Variants in BCKDHB observed in about 807,000 individuals in gnomAD.
The protein encoded by BCKDHB is 2-oxoisovalerate dehydrogenase subunit beta, mitochondrial.
Under a neutral mutation model 48.5 loss-of-function variants are expected in BCKDHB, and 41 were observed. The ratio of observed to expected loss-of-function variants is 0.85; its 90% CI spans 0.66 to 1.10. The LOEUF is 1.10. Among genes scored for constraint, BCKDHB ranks in the 50% least tolerant of loss-of-function variants. The pLI, the probability that BCKDHB is intolerant of heterozygous loss-of-function variation, is 0.00. For missense variants in BCKDHB, 496 were observed against 494.2 expected (o/e 1.00, Z -0.03); for synonymous variants, 201 against 174.8 (o/e 1.15, Z -1.18).
At chr6:80,236,450 GT>G (rs1776150059) in intron 8 of BCKDHB, among the ~76,000 whole-genome samples, 1 of 152,150 alleles carries the variant, frequency 6.6e-6, no homozygotes, top group Non-Finnish European at 1.5e-5. Context: ...TGAACCTATA[GT>G]TTAGCTGGAA....
chr6:80,396,965 G>A, the BCKDHB span, among the ~76,000 whole-genome samples: 1 of 152,278 alleles, frequency 6.6e-6, no homozygotes, highest in South Asian at 2.1e-4. Flanking sequence ...TAGAGGAAAA[G>A]GGGGCCCAAG....
chr6:80,397,527 A>T, the BCKDHB span, among the ~76,000 whole-genome samples: 2 of 152,172 alleles, frequency 1.3e-5, no homozygotes, highest in East Asian at 3.9e-4. Flanking sequence ...TTCTGTCACA[A>T]TTTTTCATAA....
chr6:80,419,258 G>A, the BCKDHB span, among the ~76,000 whole-genome samples: 1 of 152,168 alleles, frequency 6.6e-6, no homozygotes, highest in Non-Finnish European at 1.5e-5. Flanking sequence ...AGAATGTGTG[G>A]GCTGTTGCGT....
rs1047519124 is a variant in BCKDHB at position 80,190,533 on chromosome 6, G to T, written c.743-10401G>T. On this transcript the variant is annotated intron_variant, in intron 6 of 9. Coordinates refer to ENST00000320393, the MANE Select transcript of BCKDHB (RefSeq NM_183050.4). ...CTGTAGCATTGGGATAAATCTAGTA[G>T]CAGTCACATTGAGTTGTAAGGATAA... Among the ~76,000 whole-genome samples, 4 of 152,138 alleles carry T rather than the reference G, an allele frequency of 2.6e-5. No individual in the cohort carries two copies. The East Asian group carries it at 7.7e-4, about 29-fold the overall frequency.
chr6:80,315,405 C>G (rs1470838408), intron 9 of BCKDHB, among the ~76,000 whole-genome samples: 1 of 152,066 alleles, frequency 6.6e-6, no homozygotes, highest in Admixed American at 6.5e-5. Context: ...CATGTCACTC[C>G]CAGTTGGGCC....
At chr6:80,192,607 A>G (rs553837974) in intron 6 of BCKDHB, among the ~76,000 whole-genome samples, 1 of 152,282 alleles carries the variant, frequency 6.6e-6, no homozygotes, top group African/African-American at 2.4e-5. Context: ...GGTAATTGCA[A>G]AGATTGAACA....
intron 9 of BCKDHB, among the ~76,000 whole-genome samples, chr6:80,335,093 T>C (rs1272660116): frequency 6.6e-6 from 1 of 151,896 alleles, no homozygotes; most frequent in East Asian, 1.9e-4. Flanking sequence ...AATGTAGCTC[T>C]AATCTTTCAA....
At chr6:80,251,333 A>C (rs1776828203) in intron 8 of BCKDHB, among the ~76,000 whole-genome samples, 1 of 152,182 alleles carries the variant, frequency 6.6e-6, no homozygotes, top group Non-Finnish European at 1.5e-5. Context: ...AAATGGAGCA[A>C]ATTACTTAAT....
At chr6:80,408,636 A>G in the BCKDHB span, among the ~76,000 whole-genome samples, 1 of 151,728 alleles carries the variant, frequency 6.6e-6, no homozygotes. Context: ...TTTCTAGGTT[A>G]TTTGCATAGA....
At chr6:80,169,718 C>A (rs911666106) in intron 5 of BCKDHB, 1 of 1,192,992 alleles carries the variant, frequency 8.4e-7, no homozygotes, top group Non-Finnish European at 1.2e-6. Context: ...ATGTGTGAAT[C>A]CAGAGATGTA....
At chr6:80,215,736 T>TTA (rs1489394391) in intron 8 of BCKDHB, among the ~76,000 whole-genome samples, 3 of 152,084 alleles carry the variant, frequency 2.0e-5, no homozygotes, top group Admixed American at 6.5e-5. Flanking sequence ...TGACCTAATG[T>TTA]TATATATATA....
At chr6:80,149,431 A>G (rs1477421644) in intron 3 of BCKDHB, among the ~76,000 whole-genome samples, 1 of 152,206 alleles carries the variant, frequency 6.6e-6, no homozygotes, top group Non-Finnish European at 1.5e-5. Context: ...GGGACCTAGA[A>G]CTAGAAATAC....
chr6:80,430,136 T>C, the BCKDHB span, among the ~76,000 whole-genome samples: 1 of 152,318 alleles, frequency 6.6e-6, no homozygotes, highest in South Asian at 2.1e-4. Flanking sequence ...GTGGTTTTTG[T>C]CATTTGTTTT....
intron 3 of BCKDHB, among the ~76,000 whole-genome samples, chr6:80,149,083 C>G (rs1207524273): frequency 6.6e-6 from 1 of 152,108 alleles, no homozygotes; most frequent in Non-Finnish European, 1.5e-5. Context: ...TGACAAAGGG[C>G]TAATATCCAG....
chr6:80,108,335 A>T (rs1213040167), intron 1 of BCKDHB, among the ~76,000 whole-genome samples: 1 of 150,218 alleles, frequency 6.7e-6, no homozygotes, highest in Non-Finnish European at 1.5e-5. Context: ...CACCACCAAG[A>T]TGAGCCCTCA....
At chr6:80,404,508 A>T in the BCKDHB span, among the ~76,000 whole-genome samples, 1 of 151,816 alleles carries the variant, frequency 6.6e-6, no homozygotes. Context: ...CACCTTTTCA[A>T]AAAACAAAGT....
the BCKDHB span, among the ~76,000 whole-genome samples, chr6:80,368,327 C>G: frequency 2.6e-5 from 4 of 152,166 alleles, no homozygotes; most frequent in South Asian, 8.3e-4. Context: ...AAGCTGATCA[C>G]ATGGTAGTTG....
intron 9 of BCKDHB, among the ~76,000 whole-genome samples, chr6:80,301,227 A>G (rs1394838142): frequency 1.3e-5 from 2 of 152,226 alleles, no homozygotes; most frequent in Non-Finnish European, 2.9e-5. Context: ...AAATCCATAC[A>G]AAAGATCAAT....
At chr6:80,246,328 A>G (rs901180934) in intron 8 of BCKDHB, among the ~76,000 whole-genome samples, 3 of 152,006 alleles carry the variant, frequency 2.0e-5, no homozygotes, top group Non-Finnish European at 2.9e-5. Context: ...CGCCTCCCCT[A>G]TGTATCTTGT....
Sources: gnomAD v4.1 joint callset for allele counts (sites outside exome capture counted in the v4.1 genomes callset) on GRCh38, gnomAD v4.1.1 for gene constraint, MANE v1.5 for transcripts, NCBI Gene and HGNC (gene_info 2026-07-23, HGNC 2026-07-21) for gene names.